Variants in FAM81B observed in about 807,000 individuals in gnomAD.
FAM81B encodes the protein family with sequence similarity 81 member B, also known as protein FAM81B.
In FAM81B, 60 loss-of-function variants were observed where a neutral mutation model predicts 58.7. The ratio of observed to expected loss-of-function variants is 1.02; its 90% CI spans 0.83 to 1.27. FAM81B has a LOEUF of 1.27. Among genes scored for constraint, FAM81B ranks in the 50% most tolerant of loss-of-function variants. The pLI is 0.00. For synonymous variants in FAM81B, 189 were observed against 179.6 expected (o/e 1.05, Z -0.42); for missense variants, 491 against 522.0 (o/e 0.94, Z 0.58).
At chr5:95,412,814 G>A (rs1762439488) in intron 3 of FAM81B, among the ~76,000 whole-genome samples, 1 of 152,090 alleles carries the variant, frequency 6.6e-6, no homozygotes, top group Admixed American at 6.6e-5. Context: ...ATCCAACTGG[G>A]GCATGATGGC....
chr5:95,392,652 G>C (rs551255118), intron 1 of FAM81B, 142 bp from the exon 2 acceptor site: 2 of 663,622 alleles, frequency 3.0e-6, no homozygotes, highest in African/African-American at 3.7e-5. Flanking sequence ...GTGAGGAGAG[G>C]GGAAATGTAA....
chr5:95,429,418 C>A (rs887884963), intron 6 of FAM81B, among the ~76,000 whole-genome samples: 2 of 152,194 alleles, frequency 1.3e-5, no homozygotes, highest in Admixed American at 1.3e-4. Context: ...GCAAAACAAG[C>A]ACTTCTCTTC....
intron 5 of FAM81B, among the ~76,000 whole-genome samples, chr5:95,426,094 G>GTATATATATATATATATATATA (rs57076025): frequency 1.6e-4 from 19 of 120,150 alleles, no homozygotes; most frequent in African/African-American, 2.3e-4. Context: ...ATCTCTGTGT[G>GTATATATATATATATATATATA]TATATATATA....
intron 5 of FAM81B, among the ~76,000 whole-genome samples, chr5:95,423,805 C>CAAATATTGTGACATTTGGA (rs1159873097): frequency 6.6e-6 from 1 of 152,142 alleles, no homozygotes; most frequent in African/African-American, 2.4e-5. Context: ...GCACACTTAC[C>CAAATATTGTGACATTTGGA]AAATATTGTG....
intron 7 of FAM81B, among the ~76,000 whole-genome samples, chr5:95,441,198 G>A (rs566806274): frequency 6.6e-6 from 1 of 152,130 alleles, no homozygotes; most frequent in Non-Finnish European, 1.5e-5. Flanking sequence ...GGCTTCCATA[G>A]CCACCATTCC....
intron 5 of FAM81B, among the ~76,000 whole-genome samples, chr5:95,426,340 T>C (rs1053122289): frequency 1.3e-5 from 2 of 152,104 alleles, no homozygotes; most frequent in East Asian, 3.9e-4. Context: ...CCTTTTGGAA[T>C]GTAGAGTGCA....
chr5:95,391,791 A>C (rs2152759167), intron 1 of FAM81B, among the ~76,000 whole-genome samples: 1 of 152,336 alleles, frequency 6.6e-6, no homozygotes, highest in African/African-American at 2.4e-5. Context: ...TGCAAATCAA[A>C]ACTACAATGA....
chr5:95,443,086 A>C (rs1374015644), intron 7 of FAM81B, among the ~76,000 whole-genome samples: 1 of 152,164 alleles, frequency 6.6e-6, no homozygotes, highest in African/African-American at 2.4e-5. Flanking sequence ...TTTTTTTAAC[A>C]CAAGACATTG....
At chr5:95,399,964 G>A (rs558793407) in intron 3 of FAM81B, among the ~76,000 whole-genome samples, 4 of 152,244 alleles carry the variant, frequency 2.6e-5, no homozygotes, top group Admixed American at 1.3e-4. Flanking sequence ...AAAATGTTTC[G>A]CTGCTGAGTG....
intron 3 of FAM81B, among the ~76,000 whole-genome samples, chr5:95,408,135 G>A (rs973389411): frequency 3.3e-5 from 5 of 151,948 alleles, no homozygotes; most frequent in Admixed American, 3.3e-4. Context: ...GAGGAAGAGA[G>A]AGAAAGAGAA....
At chr5:95,437,194 T>C (rs1483378376) in intron 7 of FAM81B, among the ~76,000 whole-genome samples, 1 of 152,204 alleles carries the variant, frequency 6.6e-6, no homozygotes, top group African/African-American at 2.4e-5. Flanking sequence ...ATCAATTGCA[T>C]ATTAAAATGT....
intron 6 of FAM81B, among the ~76,000 whole-genome samples, chr5:95,430,056 C>A (rs1307528581): frequency 1.3e-5 from 2 of 152,046 alleles, no homozygotes; most frequent in Non-Finnish European, 2.9e-5. Flanking sequence ...TCTTGCATTT[C>A]TATAATGAAA....
At chr5:95,414,331 G>A in intron 4 of FAM81B, 141 bp downstream of exon 4, 1 of 973,746 alleles carries the variant, frequency 1.0e-6, no homozygotes, top group Non-Finnish European at 1.5e-6. Context: ...CATTTTAGTG[G>A]TCTAAGAGGG....
chr5:95,426,794 A>T (rs990405824), intron 5 of FAM81B, among the ~76,000 whole-genome samples: 1 of 152,194 alleles, frequency 6.6e-6, no homozygotes, highest in African/African-American at 2.4e-5. Flanking sequence ...CACGCCTGTA[A>T]TCCCAGCACT....
chr5:95,414,299 A>G (rs1762482433), intron 4 of FAM81B, 109 bp downstream of exon 4: 9 of 1,208,342 alleles, frequency 7.4e-6, no homozygotes, highest in Admixed American at 2.5e-5. Context: ...ATATATCACT[A>G]TTGCTTAAGT....
intron 3 of FAM81B, among the ~76,000 whole-genome samples, chr5:95,401,676 C>G (rs1762118409): frequency 6.6e-6 from 1 of 151,908 alleles, no homozygotes; most frequent in Non-Finnish European, 1.5e-5. Flanking sequence ...CTTCGGTATG[C>G]CTTTTTGTGT....
intron 6 of FAM81B, among the ~76,000 whole-genome samples, chr5:95,430,544 G>C (rs73141943): frequency 0.032 from 4,777 of 151,268 alleles, 220 homozygotes; most frequent in African/African-American, 0.1. Context: ...GTATGTAATA[G>C]TTCAGTTAAC....
chr5:95,441,215 C>T (rs1745330390), intron 7 of FAM81B, among the ~76,000 whole-genome samples: 2 of 152,148 alleles, frequency 1.3e-5, no homozygotes, highest in South Asian at 4.1e-4. Context: ...TTCCTGACGG[C>T]CAAGCACCAG....
intron 3 of FAM81B, chr5:95,406,349 T>A (rs1389377925): frequency 6.5e-6 from 1 of 153,900 alleles, no homozygotes; most frequent in Non-Finnish European, 1.5e-5. Flanking sequence ...ATATATGGAT[T>A]TTATATATAT....
Sources: gnomAD v4.1 joint callset for allele counts (sites outside exome capture counted in the v4.1 genomes callset) on GRCh38, gnomAD v4.1.1 for gene constraint, MANE v1.5 for transcripts, NCBI Gene and HGNC (gene_info 2026-07-23, HGNC 2026-07-21) for gene names.